Variants in CSMD1 observed in about 807,000 individuals in gnomAD.
CSMD1 encodes CUB and Sushi multiple domains 1.
In CSMD1, 213 loss-of-function variants were observed where a neutral mutation model predicts 417.5. The ratio of observed to expected loss-of-function variants is 0.51; its 90% CI spans 0.46 to 0.57. The LOEUF (loss-of-function observed/expected upper bound fraction) is 0.57. Among genes scored for constraint, CSMD1 ranks in the 20% least tolerant of loss-of-function variants. The probability of loss-of-function intolerance (pLI) is 0.00; values close to 1 mark genes in which losing one functional copy is unlikely to be tolerated. For synonymous variants in CSMD1, 2,862 were observed against 1,736.8 expected (o/e 1.65, Z -16.11); for missense variants, 6,923 against 4,529.7 (o/e 1.53, Z -15.17).
intron 5 of CSMD1, among the ~76,000 whole-genome samples, chr8:3,837,975 T>C (rs1802818107): frequency 6.6e-6 from 1 of 152,102 alleles, no homozygotes; most frequent in Admixed American, 6.6e-5. Flanking sequence ...TGAGTTGAAA[T>C]CTAAACTGGC....
intron 3 of CSMD1, among the ~76,000 whole-genome samples, chr8:4,140,896 G>A (rs140330279): frequency 6.6e-6 from 1 of 151,022 alleles, no homozygotes; most frequent in Non-Finnish European, 1.5e-5. Context: ...CAATGCACAG[G>A]CTCAGTAGGG....
intron 26 of CSMD1, among the ~76,000 whole-genome samples, chr8:3,239,981 T>C (rs1200161959): frequency 6.6e-6 from 1 of 151,580 alleles, no homozygotes; most frequent in African/African-American, 2.4e-5. Flanking sequence ...AGTATATGTG[T>C]CAAGTGTGAG....
intron 3 of CSMD1, among the ~76,000 whole-genome samples, chr8:4,393,762 A>G (rs11988906): frequency 0.57 from 86,896 of 152,002 alleles, 26,297 homozygotes; most frequent in African/African-American, 0.77. Flanking sequence ...CATTGCCTTA[A>G]AAACAGAAAA....
In CSMD1 at chr8:4,170,197, T is replaced by A. The variant is rs147819820; in HGVS notation, c.416-138098A>T. On this transcript the variant is annotated intron_variant, in intron 3 of 69. Coordinates refer to ENST00000635120, the MANE Select transcript of CSMD1 (RefSeq NM_033225.6). ...AAGGACCTTTCACAGTCCACGCGTT[T>A]CTCTCTGCAGAACTAGCTGTTATCT... Among the ~76,000 whole-genome samples, 50 of 151,926 alleles carry A rather than the reference T, an allele frequency of 3.3e-4. 1 individual carries two copies. In the East Asian group the frequency reaches 9.5e-3, roughly 29 times the overall value.
intron 1 of CSMD1, among the ~76,000 whole-genome samples, chr8:4,859,032 T>A (rs1255913818): frequency 6.6e-6 from 1 of 151,540 alleles, no homozygotes; most frequent in African/African-American, 2.4e-5. Context: ...AAGGCTACAG[T>A]AACCAAAACA....
At chr8:4,604,843 G>C (rs753669489) in intron 2 of CSMD1, among the ~76,000 whole-genome samples, 1 of 152,170 alleles carries the variant, frequency 6.6e-6, no homozygotes, top group Non-Finnish European at 1.5e-5. Flanking sequence ...TGTCAGTATA[G>C]TACTCTGATA....
chr8:3,491,035 A>C lies in CSMD1; in HGVS notation c.1448+2588T>G, dbSNP rs545620500. On this transcript the variant is annotated intron_variant, in intron 11 of 69. Transcript: ENST00000635120. ...AAATGAAGATGCCTCTTCATCCCCA[A>C]ATTCCTCAATGGAAATGTTCCTGAA... 1.2e-4 allele frequency among the ~76,000 whole-genome samples: 19 copies of C among 152,312 alleles called. 1 individual carries two copies. In the South Asian group the frequency reaches 3.7e-3, roughly 30 times the overall value.
intron 3 of CSMD1, among the ~76,000 whole-genome samples, chr8:4,043,610 T>G (rs28620380): frequency 6.6e-6 from 1 of 152,202 alleles, no homozygotes; most frequent in East Asian, 1.9e-4. Context: ...ATAGCCAAAC[T>G]GGAATTTCAA....
intron 3 of CSMD1, among the ~76,000 whole-genome samples, chr8:4,115,749 G>A (rs1254358041): frequency 6.6e-6 from 1 of 151,938 alleles, no homozygotes; most frequent in Non-Finnish European, 1.5e-5. Context: ...TCAATATTCA[G>A]TGCTAAAAAG....
chr8:4,098,587 A>C (rs1283763095), intron 3 of CSMD1, among the ~76,000 whole-genome samples: 1 of 152,102 alleles, frequency 6.6e-6, no homozygotes, highest in Non-Finnish European at 1.5e-5. Flanking sequence ...TTGGGAACTC[A>C]ACACCCTCTC....
intron 5 of CSMD1, among the ~76,000 whole-genome samples, chr8:3,804,510 C>T (rs1307065445): frequency 6.6e-6 from 1 of 152,080 alleles, no homozygotes; most frequent in Non-Finnish European, 1.5e-5. Context: ...ATTTTAATAG[C>T]TATAAAACAT....
chr8:3,123,454 A>G (rs7837404), intron 41 of CSMD1, among the ~76,000 whole-genome samples: 48,192 of 152,128 alleles, frequency 0.32, 11,910 homozygotes, highest in African/African-American at 0.69. Flanking sequence ...TTCCACACTG[A>G]GTTTCAACTA....
At chr8:3,293,939 T>C (rs1387286091) in intron 25 of CSMD1, among the ~76,000 whole-genome samples, 1 of 152,182 alleles carries the variant, frequency 6.6e-6, no homozygotes, top group Admixed American at 6.5e-5. Context: ...GCTCTGTTTT[T>C]TCCCCATCTT....
At chr8:4,464,013 T>G (rs1799999134) in intron 2 of CSMD1, among the ~76,000 whole-genome samples, 1 of 152,056 alleles carries the variant, frequency 6.6e-6, no homozygotes, top group Non-Finnish European at 1.5e-5. Context: ...TTATATCACA[T>G]GACACCTATA....
intron 12 of CSMD1, among the ~76,000 whole-genome samples, chr8:3,421,696 G>C (rs1308299789): frequency 1.3e-5 from 2 of 152,120 alleles, no homozygotes; most frequent in East Asian, 1.9e-4. Context: ...GCAGTGCACT[G>C]CTGTAATCTT....
intron 3 of CSMD1, among the ~76,000 whole-genome samples, chr8:4,174,458 T>A (rs1797930152): frequency 6.6e-6 from 1 of 151,754 alleles, no homozygotes; most frequent in South Asian, 2.1e-4. Context: ...TTCTATTGTT[T>A]AAATAATAGG....
chr8:3,259,949 A>C (rs1336028941), intron 26 of CSMD1, among the ~76,000 whole-genome samples: 1 of 152,226 alleles, frequency 6.6e-6, no homozygotes, highest in African/African-American at 2.4e-5. Flanking sequence ...TTTGGGCTAC[A>C]CAGCCACAGA....
intron 5 of CSMD1, among the ~76,000 whole-genome samples, chr8:3,859,933 T>C (rs1219186326): frequency 3.3e-5 from 5 of 152,158 alleles, no homozygotes; most frequent in Non-Finnish European, 7.3e-5. Flanking sequence ...ATGAGTGTAA[T>C]AGCTTTTCAT....
At chr8:4,261,422 G>C (rs901111608) in intron 3 of CSMD1, among the ~76,000 whole-genome samples, 1 of 152,138 alleles carries the variant, frequency 6.6e-6, no homozygotes, top group Admixed American at 6.5e-5. Flanking sequence ...AGGGGAAATG[G>C]GGAATAATTG....
Sources: gnomAD v4.1 joint callset for allele counts (sites outside exome capture counted in the v4.1 genomes callset) on GRCh38, gnomAD v4.1.1 for gene constraint, MANE v1.5 for transcripts, NCBI Gene and HGNC (gene_info 2026-07-23, HGNC 2026-07-21) for gene names.